Variants in EVC observed in about 807,000 individuals in gnomAD.
The protein encoded by EVC is evC complex member EVC.
A neutral mutation model predicts 118.9 loss-of-function variants in EVC; 116 were observed. That is an observed-to-expected ratio of 0.98 (90% CI 0.84 to 1.14). EVC has a LOEUF of 1.14. Among genes scored for constraint, EVC ranks in the 50% most tolerant of loss-of-function variants. The pLI is 0.00. For synonymous variants in EVC, 619 were observed against 534.7 expected, an observed-to-expected ratio of 1.16 and a Z score of -2.18; for missense variants, 1,401 against 1,246.4, an observed-to-expected ratio of 1.12 and a Z score of -1.87.
chr4:5,715,824 A>C (rs894695168), intron 1 of EVC, among the ~76,000 whole-genome samples: 5 of 147,216 alleles, frequency 3.4e-5, no homozygotes, highest in Non-Finnish European at 7.4e-5. Context: ...GCTCACTGCA[A>C]CCTCCACTTC....
the EVC span, chr4:5,828,413 T>C: frequency 1.3e-6 from 2 of 1,551,892 alleles, no homozygotes; most frequent in Non-Finnish European, 1.7e-6. Flanking sequence ...TCTGCACACG[T>C]CAGATCTCGA....
intron 1 of EVC, 116 bp downstream of exon 1, chr4:5,711,670 A>G (rs1723048907): frequency 1.1e-6 from 1 of 871,794 alleles, no homozygotes; most frequent in South Asian, 5.4e-5. Flanking sequence ...GGAACTTCGC[A>G]CGCAACCGCT....
At chr4:5,772,926 G>T (rs1181862914) in intron 11 of EVC, among the ~76,000 whole-genome samples, 2 of 152,112 alleles carry the variant, frequency 1.3e-5, no homozygotes, top group African/African-American at 4.8e-5. Context: ...CTTTAGGGGA[G>T]CCCTCCTCTG....
the EVC span, chr4:5,820,782 G>T: frequency 6.6e-6 from 1 of 150,844 alleles, no homozygotes; most frequent in Non-Finnish European, 1.5e-5. Flanking sequence ...CCCTAGTCAG[G>T]TCAGTGGGCA....
In EVC at chr4:5,713,459, A is replaced by G. The variant is rs537303634; in HGVS notation, c.174+1905A>G. 5.3e-5 allele frequency among the ~76,000 whole-genome samples: 8 copies of G among 152,180 alleles called. No homozygotes were observed. The East Asian group carries it at 1.4e-3, about 26-fold the overall frequency. On this transcript the variant is annotated intron_variant, in intron 1 of 20. Transcript: ENST00000264956. ...TTGGGAGGCCAAGGCGAGCTGTTCA[A>G]CTGAGGTCAGGAGTTCGAGACCAGC...
At chr4:5,824,462 C>T in the EVC span, 142 of 985,376 alleles carry the variant, frequency 1.4e-4, no homozygotes, top group African/African-American at 2.4e-3. Flanking sequence ...TGCCACCACA[C>T]AATCTGAATT....
In EVC at chr4:5,745,188, TCTTC is replaced by T. The variant is rs386671011; in HGVS notation, c.802-15_802-12del. ...TTCTTTGTTTATTTGCTTTCTTTTT[TCTTC>T]TTCTTCTTCAGGATTTGGAGGAACT... On this transcript the variant is annotated splice_polypyrimidine_tract_variant and intron_variant, in intron 6 of 20. Transcript: ENST00000264956. 1.5e-4 allele frequency: 245 copies of T among 1,604,408 alleles called. No homozygotes were observed. The African/African-American group carries it at 2.8e-3, about 19-fold the overall frequency.
downstream of EVC, among the ~76,000 whole-genome samples, chr4:5,814,589 T>C (rs760640411): frequency 2.6e-5 from 4 of 152,156 alleles, no homozygotes; most frequent in Non-Finnish European, 4.4e-5. Context: ...ATCTTTACCA[T>C]GGACCATGAG....
chr4:5,752,776 A>G, intron 8 of EVC, 60 bp from the exon 9 acceptor site: 1 of 1,562,912 alleles, frequency 6.4e-7, no homozygotes. Context: ...GCTGTTAATT[A>G]ACATGCCCTG....
In EVC at chr4:5,748,239, T is replaced by C. The variant is rs1332636947; in HGVS notation, c.1031T>C (p.Met344Thr). The change falls in exon 8 of 21, where the codon ATG becomes ACG. Residue 344 changes from methionine (M) to threonine (T), a missense_variant. Transcript: ENST00000264956. ...AGCTCCAAAGCCCGACAGCTGATGA[T>C]GACTCTGACGGAAAGAATGATTGCA... ...CSSSKARQLM[M>T]TLTERMIAAE... 6.2e-7 allele frequency: 1 copy of C among 1,614,184 alleles called. No homozygotes were observed. The highest frequency in any genetic ancestry group is 1.7e-5 in the Admixed American group (1 of 60,028).
chr4:5,768,430 GT>G (rs1217042267), intron 11 of EVC, among the ~76,000 whole-genome samples: 1 of 152,112 alleles, frequency 6.6e-6, no homozygotes, highest in African/African-American at 2.4e-5. Flanking sequence ...CTTTGTGTTT[GT>G]TTGGACGATC....
At chr4:5,712,923 A>G (rs1157097776) in intron 1 of EVC, among the ~76,000 whole-genome samples, 1 of 152,212 alleles carries the variant, frequency 6.6e-6, no homozygotes, top group Non-Finnish European at 1.5e-5. Flanking sequence ...AGGAACTGCC[A>G]TTATCCCCAC....
chr4:5,808,316 A>G lies in EVC; in HGVS notation c.2677A>G (p.Thr893Ala). The G allele has an allele frequency of 6.2e-7, 1 of 1,614,118 alleles. No individual in the cohort carries two copies. Among genetic ancestry groups the G allele is most frequent in the Non-Finnish European group, 8.5e-7 (1 of 1,180,036 alleles). ...VMDLLEAQLE[T>A]QLQEAEQNFI... ...GGACCTTCTGGAAGCCCAGCTGGAG[A>G]CCCAGCTACAGGTACAAGTTACAGA... Residue 893 changes from threonine (T) to alanine (A), a missense_variant, in exon 18 of 21, where the codon ACC (threonine) becomes GCC (alanine). Coordinates refer to ENST00000264956, the MANE Select transcript of EVC (RefSeq NM_153717.3).
intron 15 of EVC, among the ~76,000 whole-genome samples, chr4:5,799,745 A>G (rs1327951665): frequency 6.6e-6 from 1 of 152,090 alleles, no homozygotes; most frequent in East Asian, 1.9e-4. Context: ...TCTCAGTAAA[A>G]CGAGTCACTT....
At chr4:5,785,337 G>A (rs115770784) in intron 12 of EVC, among the ~76,000 whole-genome samples, 2,607 of 152,286 alleles carry the variant, frequency 0.017, 67 homozygotes, top group African/African-American at 0.055. Flanking sequence ...GCCCTGAACC[G>A]CCTGCCCCTA....
rs1727849438 is a variant in EVC at position 5,737,299 on chromosome 4, A to T, written c.702+3864A>T. The stretch of plus-strand genomic sequence containing the variant: ...GTTTAAAGAAAGAAGCTGTCTCCAG[A>T]ACAAACAAAAGTGCAAGGTGAAGCA... On this transcript the variant is annotated intron_variant, in intron 5 of 20. Transcript: ENST00000264956. This position sits in a 1 kb window ranked among gnomAD's most constrained non-coding sequence, Gnocchi z 5.0. Among the ~76,000 whole-genome samples, 1 of 152,248 alleles carries T rather than the reference A, an allele frequency of 6.6e-6. No homozygotes were observed.
chr4:5,778,524 T>C (rs1198239649), intron 11 of EVC, among the ~76,000 whole-genome samples: 8 of 152,068 alleles, frequency 5.3e-5, no homozygotes, highest in Non-Finnish European at 7.3e-5. Context: ...TTTTAATGAT[T>C]GCCATTCTAA....
At chr4:5,815,971 G>A (rs912911124), downstream of EVC, among the ~76,000 whole-genome samples, 3 of 151,814 alleles carry the variant, frequency 2.0e-5, no homozygotes, top group African/African-American at 7.3e-5. Flanking sequence ...GTGGTGTATG[G>A]ATTGGAAAGG....
In EVC at chr4:5,811,846, C is replaced by T. The variant is rs923378766; in HGVS notation, c.*809C>T. On this transcript the variant is annotated 3_prime_UTR_variant, in exon 21 of 21. Coordinates refer to ENST00000264956, the MANE Select transcript of EVC (RefSeq NM_153717.3). ...GCCTTTCCCACCGGTAGAGAAACTT[C>T]CAGACCAGCCCCTCACACCACAGCC... 1 of 151,814 alleles carries T rather than the reference C, an allele frequency of 6.6e-6. No individual in the cohort carries two copies. The highest frequency in any genetic ancestry group is 1.4e-5 in the Non-Finnish European group (1 of 69,458). The allele number at this position is 151,814 out of a possible 1,614,324, so 9.4% of individuals were successfully genotyped here. A position where few individuals can be genotyped will look rare whatever the true frequency, so the allele number is the denominator to read the frequency against.
Sources: gnomAD v4.1 joint callset for allele counts (sites outside exome capture counted in the v4.1 genomes callset) on GRCh38, gnomAD v4.1.1 for gene constraint, Gnocchi (gnomAD v3.1) non-coding constraint, MANE v1.5 for transcripts, NCBI Gene and HGNC (gene_info 2026-07-23, HGNC 2026-07-21) for gene names.